Variants in MBTD1 observed in about 807,000 individuals in gnomAD.
The protein encoded by MBTD1 is MBT domain-containing protein 1.
MBTD1 carries 24 observed loss-of-function variants against 87.8 expected under a neutral mutation model. The ratio of observed to expected loss-of-function variants is 0.27; its 90% CI spans 0.20 to 0.38. The LOEUF (loss-of-function observed/expected upper bound fraction) is 0.38. Among genes scored for constraint, MBTD1 ranks in the 10% least tolerant of loss-of-function variants. The pLI is 1.00. For missense variants in MBTD1, 436 were observed against 760.2 expected (o/e 0.57, Z 5.02); for synonymous variants, 237 against 248.6 (o/e 0.95, Z 0.44).
At chr17:51,195,425 T>C in intron 12 of MBTD1, 64 bp from the exon 13 acceptor site, 2 of 1,333,870 alleles carry the variant, frequency 1.5e-6, no homozygotes, top group Admixed American at 2.4e-5. Flanking sequence ...AATAATACTT[T>C]GACATTCTAA....
At chr17:51,191,872 C>T in intron 16 of MBTD1, 1 of 251,522 alleles carries the variant, frequency 4.0e-6, no homozygotes, top group South Asian at 4.5e-5. Flanking sequence ...TGAGCCACTG[C>T]ACCTGGCTGC....
intron 2 of MBTD1, among the ~76,000 whole-genome samples, chr17:51,232,873 A>G (rs34125140): frequency 2.6e-5 from 4 of 151,830 alleles, no homozygotes; most frequent in South Asian, 2.1e-4. Context: ...CACTGCCTCT[A>G]CAAAAAAATA....
At position 51,177,649 on chromosome 17, in the gene MBTD1, GAAAAT is replaced by G. The variant is rs2050155212; in HGVS notation, c.*2922_*2926del. On this transcript the variant is annotated 3_prime_UTR_variant, in exon 17 of 17. Coordinates refer to ENST00000586178, the MANE Select transcript of MBTD1 (RefSeq NM_017643.3). Reference sequence around the variant, plus strand: ...TTTCTCAATGATCACGAGTTACCAAGAAAATAAAAGATTAAATTTGTACAGATATT... The same window carrying G: ...TTTCTCAATGATCACGAGTTACCAAGAAAAGATTAAATTTGTACAGATATT... 2.0e-5 allele frequency: 3 copies of G among 152,084 alleles called. No individual in the cohort carries two copies. Among genetic ancestry groups the G allele is most frequent in the Middle Eastern group, 3.4e-3 (1 of 294 alleles). The allele number at this position is 152,084 out of a possible 1,614,324, so 9.4% of individuals were successfully genotyped here. A position where few individuals can be genotyped will look rare whatever the true frequency, so the allele number is the denominator to read the frequency against.
intron 2 of MBTD1, chr17:51,256,660 A>C (rs1046068938): frequency 2.6e-5 from 4 of 152,220 alleles, no homozygotes; most frequent in African/African-American, 9.7e-5. Context: ...CTAAAACAGC[A>C]AAATTAAAAA....
chr17:51,212,140 A>ACCT lies in MBTD1; in HGVS notation c.487-5136_487-5135insAGG, dbSNP rs1456009576. ...TTTGGGAGGCCGAGGTGGACAGATC[A>ACCT]CGAGGTCAGGAGTTCGAGAACAGCC... On this transcript the variant is annotated intron_variant, in intron 6 of 16. Coordinates refer to ENST00000586178, the MANE Select transcript of MBTD1 (RefSeq NM_017643.3). Among the ~76,000 whole-genome samples the ACCT allele has an allele frequency of 6.6e-5, 10 of 152,272 alleles. No homozygotes were observed. In the South Asian group the frequency reaches 1.9e-3, roughly 28 times the overall value.
chr17:51,230,048 C>T (rs935917533), intron 2 of MBTD1, among the ~76,000 whole-genome samples: 1 of 152,182 alleles, frequency 6.6e-6, no homozygotes, highest in African/African-American at 2.4e-5. Context: ...CTCCTGTTCC[C>T]TGCATCAGTC....
chr17:51,201,110 C>CAG lies in MBTD1; in HGVS notation c.1224+480_1224+481dup, dbSNP rs1231742683. ...CACTACTGCACTCCAACCTAGGCGA[C>CAG]AGAGAGAGACTGTCTCAAAAAAAAA... On this transcript the variant is annotated intron_variant, in intron 12 of 16. Transcript: ENST00000586178. 2.0e-5 allele frequency among the ~76,000 whole-genome samples: 3 copies of CAG among 152,058 alleles called. No homozygotes were observed. In the South Asian group the frequency reaches 6.2e-4, roughly 32 times the overall value.
chr17:51,259,197 T>C lies in MBTD1; in HGVS notation c.-103A>G. ...GCTGCTTTGGATGACCTCTAATGTC[T>C]CTTCCGACTCTGAAATGTTAGGATT... is the stretch of plus-strand genomic sequence containing the variant. On this transcript the variant is annotated 5_prime_UTR_variant, in exon 2 of 17. Coordinates refer to ENST00000586178, the MANE Select transcript of MBTD1 (RefSeq NM_017643.3). 1 of 1,180,004 alleles carries C rather than the reference T, an allele frequency of 8.5e-7. No individual in the cohort carries two copies. Among genetic ancestry groups the C allele is most frequent in the Non-Finnish European group, 1.1e-6 (1 of 940,436 alleles). 73.1% of individuals were successfully genotyped at this position (1,180,004 alleles called of 1,614,324 possible). A position where few individuals can be genotyped will look rare whatever the true frequency, so the allele number is the denominator to read the frequency against.
intron 16 of MBTD1, among the ~76,000 whole-genome samples, chr17:51,187,936 A>G (rs2050623088): frequency 6.6e-6 from 1 of 152,156 alleles, no homozygotes; most frequent in Non-Finnish European, 1.5e-5. Flanking sequence ...TCCAGATGAC[A>G]GAATAAACCG....
At chr17:51,247,730 G>T (rs1361619081) in intron 2 of MBTD1, among the ~76,000 whole-genome samples, 1 of 152,124 alleles carries the variant, frequency 6.6e-6, no homozygotes, top group Non-Finnish European at 1.5e-5. Context: ...GATTACAGGC[G>T]TGAGCCACTG....
intron 2 of MBTD1, among the ~76,000 whole-genome samples, chr17:51,233,060 C>CAAAAAAAAAAA (rs11457634): frequency 2.5e-5 from 1 of 40,496 alleles, no homozygotes. Context: ...CTTCCCTCAC[C>CAAAAAAAAAAA]AAAAAAAAAA....
chr17:51,233,823 G>A (rs1374655196), intron 2 of MBTD1, among the ~76,000 whole-genome samples: 1 of 152,008 alleles, frequency 6.6e-6, no homozygotes, highest in East Asian at 1.9e-4. Flanking sequence ...AAAAGCTTCG[G>A]CACTATGCTA....
intron 2 of MBTD1, among the ~76,000 whole-genome samples, chr17:51,257,642 T>C (rs2055169562): frequency 6.6e-6 from 1 of 152,200 alleles, no homozygotes; most frequent in South Asian, 2.1e-4. Flanking sequence ...CTGTCTAGTA[T>C]GTTTAGAATG....
chr17:51,240,251 C>T (rs1006991049), intron 2 of MBTD1, among the ~76,000 whole-genome samples: 2 of 152,124 alleles, frequency 1.3e-5, no homozygotes, highest in African/African-American at 4.8e-5. Flanking sequence ...ATTGAACATG[C>T]TACAATAAAT....
In MBTD1 at chr17:51,179,432, G is replaced by C. The variant is rs2050194746; in HGVS notation, c.*1144C>G. On this transcript the variant is annotated 3_prime_UTR_variant, in exon 17 of 17. Transcript: ENST00000586178. ...TTTTAAAACAGGGAATGTTCAAAATGGTCCAAATCGGTTATTATTAAAATA... is the reference window on the plus strand; with the variant it reads ...TTTTAAAACAGGGAATGTTCAAAATCGTCCAAATCGGTTATTATTAAAATA... The C allele has an allele frequency of 8.1e-6, 1 of 123,530 alleles. No individual in the cohort carries two copies. The highest frequency in any genetic ancestry group is 1.6e-5 in the Non-Finnish European group (1 of 60,902). The allele number at this position is 123,530 out of a possible 1,614,324, so 7.7% of individuals were successfully genotyped here. A position where few individuals can be genotyped will look rare whatever the true frequency, so the allele number is the denominator to read the frequency against.
At chr17:51,231,149 GCTGGTCTCAAACTC>G (rs2053529834) in intron 2 of MBTD1, among the ~76,000 whole-genome samples, 1 of 152,158 alleles carries the variant, frequency 6.6e-6, no homozygotes. Context: ...TGTTGGTCAG[GCTGGTCTCAAACTC>G]CTGACCTTGT....
chr17:51,243,015 CAAATACGCTGCAGCGAACTTATGTAT>C (rs2054240561), intron 2 of MBTD1, among the ~76,000 whole-genome samples: 1 of 152,154 alleles, frequency 6.6e-6, no homozygotes, highest in South Asian at 2.1e-4. Flanking sequence ...TTTGCAATTA[CAAATACGCTGCAGCGAACTTATGTAT>C]CTGTGTGTTT....
chr17:51,192,770 A>G lies in MBTD1; in HGVS notation c.1690+12T>C. Reference sequence around the variant, plus strand: ...TTTTACAAAAGGACACCTTTTCTGTATACCAACTTACACTGTGATGCTGGA... The same window carrying G: ...TTTTACAAAAGGACACCTTTTCTGTGTACCAACTTACACTGTGATGCTGGA... On this transcript the variant is annotated intron_variant, in intron 15 of 16. Coordinates refer to ENST00000586178, the MANE Select transcript of MBTD1 (RefSeq NM_017643.3). 1 of 1,613,510 alleles carries G rather than the reference A, an allele frequency of 6.2e-7. No homozygotes were observed. Among genetic ancestry groups the G allele is most frequent in the Non-Finnish European group, 8.5e-7 (1 of 1,179,568 alleles).
chr17:51,228,172 AG>A (rs938425834), intron 2 of MBTD1, among the ~76,000 whole-genome samples: 3 of 152,136 alleles, frequency 2.0e-5, no homozygotes, highest in Non-Finnish European at 2.9e-5. Flanking sequence ...CTAAATGATG[AG>A]AACACATGGA....
Sources: allele counts gnomAD v4.1 joint callset (sites outside exome capture counted in the v4.1 genomes callset), GRCh38; gene constraint gnomAD v4.1.1; transcripts MANE v1.5; gene names NCBI Gene and HGNC (gene_info 2026-07-23, HGNC 2026-07-21).